The following GATA1 variants were observed in gnomAD, a reference collection of about 807,000 sequenced individuals.
The protein encoded by GATA1 is erythroid transcription factor.
In GATA1, 2 loss-of-function variants were observed where a neutral mutation model predicts 18.9. That is an observed-to-expected ratio of 0.11 (90% confidence interval 0.04 to 0.33). The LOEUF (loss-of-function observed/expected upper bound fraction) is 0.33, where lower values mean the gene tolerates loss of function less well. Among genes scored for constraint, GATA1 ranks in the 10% least tolerant of loss-of-function variants. GATA1 has a pLI of 1.00. For synonymous variants in GATA1, 152 were observed against 149.1 expected, an observed-to-expected ratio of 1.02 and a Z score of -0.14; for missense variants, 272 against 344.7, an observed-to-expected ratio of 0.79 and a Z score of 1.67.
intron 1 of GATA1, 121 bp from the exon 2 acceptor site, chrX:48,790,970 A>C (rs2062672566): frequency 1.1e-5 from 5 of 467,796 alleles, no homozygotes; most frequent in Admixed American, 3.0e-5. Context: ...GGAGGTGGGA[A>C]GGAGAAATAT....
In GATA1 at chrX:48,792,174, C is replaced by A. The variant is rs781963384; in HGVS notation, c.551C>A (p.Ala184Asp). 5 of 1,211,781 alleles carry A rather than the reference C, an allele frequency of 4.1e-6. No individual in the cohort carries two copies. The highest frequency in any genetic ancestry group is 5.6e-6 in the Non-Finnish European group (5 of 895,517). Residue 184 changes from alanine (A) to aspartate (D), a missense_variant, in exon 3 of 6, where the codon GCC (alanine) becomes GAC (aspartate). Ala to Asp is a moderately radical substitution (Grantham distance 126). Around this residue, in one of 3 missense-constraint regions of GATA1, gnomAD observed 147 missense variants for 157.4 expected, o/e 0.93. Transcript: ENST00000376670. Reference protein sequence around the residue: ...SPTGSPLNSAAYSSPKLRGTL... With the variant: ...SPTGSPLNSADYSSPKLRGTL... ...ACCGGGAGCCCCCTCAATTCAGCAG[C>A]CTATTCCTCTCCCAAGCTTCGTGGA... is the stretch of plus-strand genomic sequence containing the variant.
intron 1 of GATA1, among the ~76,000 whole-genome samples, chrX:48,788,670 C>T (rs782205103): frequency 2.7e-5 from 3 of 111,815 alleles, no homozygotes; most frequent in Non-Finnish European, 5.6e-5. Context: ...TGAAGACAGC[C>T]TTCTAGTCTA....
rs201489369 is a variant in GATA1 at position 48,791,258 on chromosome X, C to G, written c.149C>G (p.Pro50Arg). 8.3e-7 allele frequency: 1 copy of G among 1,204,641 alleles called. No individual in the cohort carries two copies. Among genetic ancestry groups the G allele is most frequent in the Non-Finnish European group, 1.1e-6 (1 of 892,585 alleles). ...GLDAAASSTAPSTATAAAAAL... is the reference protein window; with the variant it reads ...GLDAAASSTARSTATAAAAAL... ...GATGCAGCAGCTTCCTCCACTGCCCCGAGCACAGCCACCGCTGCAGCTGCG... is the reference window on the plus strand; with the variant it reads ...GATGCAGCAGCTTCCTCCACTGCCCGGAGCACAGCCACCGCTGCAGCTGCG... The change falls in exon 2 of 6, where the codon CCG becomes CGG. Residue 50 changes from proline (P) to arginine (R), a missense_variant. By Grantham distance (103) the Pro-to-Arg change is moderately radical. Coordinates refer to ENST00000376670, the MANE Select transcript of GATA1 (RefSeq NM_002049.4).
rs1398257700 is a variant in GATA1 at position 48,791,735 on chromosome X, G to T, written c.221-109G>T. The T allele has an allele frequency of 2.0e-5, 19 of 944,758 alleles. 1 individual carries two copies. In the Admixed American group the frequency reaches 4.3e-4, roughly 21 times the overall value. 77.9% of individuals were successfully genotyped at this position (944,758 alleles called of 1,213,427 possible). A position where few individuals can be genotyped will look rare whatever the true frequency, so the allele number is the denominator to read the frequency against. ...GTTCTGGTAGCCTGTGGAAAAGCTG[G>T]GAACTTGGCCACCATGTTGGGGGTG... is the stretch of plus-strand genomic sequence containing the variant. On this transcript the variant is annotated intron_variant, in intron 2 of 5. Transcript: ENST00000376670.
chrX:48,790,943 G>A (rs2062672400), intron 1 of GATA1, 148 bp from the exon 2 acceptor site: 5 of 464,087 alleles, frequency 1.1e-5, no homozygotes, highest in Middle Eastern at 5.6e-4. Context: ...ACTAAGGTGA[G>A]GAGGAGGGGG....
rs1557020006 is a variant in GATA1 at position 48,791,142 on chromosome X, C to G, written c.33C>G (p.Thr11=). 1 of 1,209,113 alleles carries G rather than the reference C, an allele frequency of 8.3e-7. No homozygotes were observed. Among genetic ancestry groups the G allele is most frequent in the South Asian group, 1.8e-5 (1 of 56,326 alleles). MEFPGLGSLG[T]SEPLPQFVDP... is the part of the protein sequence containing the mutation. ...TCCCTGGCCTGGGGTCCCTGGGGACCTCAGAGCCCCTCCCCCAGTTTGTGG... is the reference window on the plus strand; with the variant it reads ...TCCCTGGCCTGGGGTCCCTGGGGACGTCAGAGCCCCTCCCCCAGTTTGTGG... The change falls in exon 2 of 6, where the codon ACC becomes ACG. Residue 11 remains threonine (T), a synonymous_variant. Transcript: ENST00000376670.
chrX:48,793,428 CTCCCCCTTCCCCCATCTCTTCTACTT>C, intron 5 of GATA1, 131 bp downstream of exon 5: 3 of 606,709 alleles, frequency 4.9e-6, no homozygotes, highest in East Asian at 7.1e-5. Flanking sequence ...TCCCTCCTTC[CTCCCCCTTCCCCCATCTCTTCTACTT>C]TCCCCCTTCC....
chrX:48,788,761 T>C (rs2062665106), intron 1 of GATA1, among the ~76,000 whole-genome samples: 2 of 111,267 alleles, frequency 1.8e-5, no homozygotes, highest in African/African-American at 6.5e-5. Flanking sequence ...AGGCTCCTTA[T>C]CCTGAGCTGC....
chrX:48,792,822 T>C (rs2062678979), intron 4 of GATA1, among the ~76,000 whole-genome samples: 1 of 111,811 alleles, frequency 8.9e-6, no homozygotes, highest in African/African-American at 3.3e-5. Flanking sequence ...TTTTCGTCCT[T>C]GGCTTCACAC....
At chrX:48,789,611 C>A (rs2062667587) in intron 1 of GATA1, among the ~76,000 whole-genome samples, 2 of 111,217 alleles carry the variant, frequency 1.8e-5, no homozygotes, top group African/African-American at 6.6e-5. Flanking sequence ...TGGGCCTCTC[C>A]AGGGGAGAGG....
In GATA1 at chrX:48,788,312, G is replaced by C. The variant is rs113190478; in HGVS notation, c.-20+1667G>C. Among the ~76,000 whole-genome samples, 844 of 110,635 alleles carry C rather than the reference G, an allele frequency of 7.6e-3. 7 individuals carry two copies. Among genetic ancestry groups the C allele is most frequent in the Non-Finnish European group, 9.3e-3 (493 of 52,730 alleles). On this transcript the variant is annotated intron_variant, in intron 1 of 5. Transcript: ENST00000376670. ...GACATGAAGAGAAAGGAAAAACAGA[G>C]AGAGAGAAACTCAACGAGTAAGAGA...
intron 1 of GATA1, among the ~76,000 whole-genome samples, chrX:48,790,524 A>AAG (rs2062670769): frequency 9.2e-6 from 1 of 109,150 alleles, no homozygotes; most frequent in African/African-American, 3.4e-5. Context: ...TGAAGACAAA[A>AAG]AGAGAAGGAG....
At position 48,791,076 on chromosome X, in the gene GATA1, C is replaced by A. The variant is rs2062673127; in HGVS notation, c.-19-15C>A. 1 of 1,122,094 alleles carries A rather than the reference C, an allele frequency of 8.9e-7. No homozygotes were observed. Among genetic ancestry groups the A allele is most frequent in the African/African-American group, 1.8e-5 (1 of 56,032 alleles). The allele number at this position is 1,122,094 out of a possible 1,213,427, so 92.5% of individuals were successfully genotyped here. On this transcript the variant is annotated splice_polypyrimidine_tract_variant and intron_variant, in intron 1 of 5. Coordinates refer to ENST00000376670, the MANE Select transcript of GATA1 (RefSeq NM_002049.4). ...GAAGGATTTCTGTGTCTGAGGACCC[C>A]TTCTGTCCTCGCAGGTTAATCCCCA...
At chrX:48,789,072 CG>C (rs2062665939) in intron 1 of GATA1, among the ~76,000 whole-genome samples, 1 of 112,148 alleles carries the variant, frequency 8.9e-6, no homozygotes, top group Non-Finnish European at 1.9e-5. Context: ...TGTGGGAGGC[CG>C]AGGTGGGCCG....
intron 1 of GATA1, among the ~76,000 whole-genome samples, chrX:48,790,289 CAAA>C (rs1179079415): frequency 1.0e-5 from 1 of 98,517 alleles, no homozygotes; most frequent in Non-Finnish European, 2.1e-5. Flanking sequence ...CCCATTTCTA[CAAA>C]AAAAAAACAA....
chrX:48,787,031 CCT>C (rs1449747677), intron 1 of GATA1, among the ~76,000 whole-genome samples: 3 of 110,205 alleles, frequency 2.7e-5, no homozygotes, highest in Non-Finnish European at 5.7e-5. Flanking sequence ...TCTCTGTCTC[CCT>C]GACTTCTCCT....
rs374811368 is a variant in GATA1 at position 48,793,325 on chromosome X, C to G, written c.870+28C>G. 28 of 1,201,492 alleles carry G rather than the reference C, an allele frequency of 2.3e-5. No homozygotes were observed. The African/African-American group carries it at 3.9e-4, about 17-fold the overall frequency. ...GACGCCCTGCCCCTTGGAGCCACCC[C>G]TCTGCTTTCCCTGTCTTCATGCCAC... On this transcript the variant is annotated intron_variant, in intron 5 of 5. Transcript: ENST00000376670.
At position 48,787,603 on chromosome X, in the gene GATA1, C is replaced by T. The variant is rs184915683; in HGVS notation, c.-20+958C>T. Among the ~76,000 whole-genome samples, 200 of 111,037 alleles carry T rather than the reference C, an allele frequency of 1.8e-3. 1 individual carries two copies. The highest frequency in any genetic ancestry group is 6.2e-3 in the African/African-American group (188 of 30,472). ...TATTTCTGACTCTCAAACTTCGCCCCGATCCCCCAACCTCGTCTGTTTTCA... is the reference window on the plus strand; with the variant it reads ...TATTTCTGACTCTCAAACTTCGCCCTGATCCCCCAACCTCGTCTGTTTTCA... On this transcript the variant is annotated intron_variant, in intron 1 of 5. Coordinates refer to ENST00000376670, the MANE Select transcript of GATA1 (RefSeq NM_002049.4).
At position 48,791,084 on chromosome X, in the gene GATA1, C is replaced by A. The variant is rs1220221577; in HGVS notation, c.-19-7C>A. 3.4e-6 allele frequency: 4 copies of A among 1,160,703 alleles called. No individual in the cohort carries two copies. The African/African-American group carries it at 5.4e-5, about 16-fold the overall frequency. ...TCTGTGTCTGAGGACCCCTTCTGTC[C>A]TCGCAGGTTAATCCCCAGAGGCTCC... is the stretch of plus-strand genomic sequence containing the variant. On this transcript the variant is annotated splice_region_variant and splice_polypyrimidine_tract_variant and intron_variant, in intron 1 of 5. Coordinates refer to ENST00000376670, the MANE Select transcript of GATA1 (RefSeq NM_002049.4).
Sources: gnomAD v4.1 joint callset for allele counts (sites outside exome capture counted in the v4.1 genomes callset) on GRCh38, gnomAD v4.1.1 for gene constraint, gnomAD v4.1.1 regional missense constraint, MANE v1.5 for transcripts, NCBI Gene and HGNC (gene_info 2026-07-23, HGNC 2026-07-21) for gene names.